Variants in INO80D observed in about 807,000 individuals in gnomAD.
INO80D encodes the protein INO80 complex subunit D.
Under a neutral mutation model 87.6 loss-of-function variants are expected in INO80D, and 21 were observed. The observed-to-expected ratio is 0.24, with a 90% CI of 0.17 to 0.35. The LOEUF is 0.35. Ranked by LOEUF, INO80D falls within the 10% of genes least tolerant of loss-of-function variation. The pLI, the probability that INO80D is intolerant of heterozygous loss-of-function variation, is 1.00. For synonymous variants in INO80D, 440 were observed against 491.0 expected, an observed-to-expected ratio of 0.90 and a Z score of 1.37; for missense variants, 982 against 1,280.7, an observed-to-expected ratio of 0.77 and a Z score of 3.56.
intron 9 of INO80D, among the ~76,000 whole-genome samples, chr2:206,008,192 C>A (rs866469583): frequency 3.3e-5 from 5 of 152,026 alleles, no homozygotes; most frequent in African/African-American, 4.8e-5. Context: ...CCATGCTGGC[C>A]AGGCTGGTCT....
At position 205,998,883 on chromosome 2, in the gene INO80D, A is replaced by G. The variant is rs1687855074; in HGVS notation, c.*5485T>C. On this transcript the variant is annotated 3_prime_UTR_variant, in exon 11 of 11. Coordinates refer to ENST00000403263, the MANE Select transcript of INO80D (RefSeq NM_017759.5). Reference sequence around the variant, plus strand: ...AAGGAATCCCTGAGACATACTCAATACTATACAGTGAAAAGAACTATCACT... The same window carrying G: ...AAGGAATCCCTGAGACATACTCAATGCTATACAGTGAAAAGAACTATCACT... 1 of 152,196 alleles carries G rather than the reference A, an allele frequency of 6.6e-6. No homozygotes were observed. The highest frequency in any genetic ancestry group is 2.4e-5 in the African/African-American group (1 of 41,412). 9.4% of individuals were successfully genotyped at this position (152,196 alleles called of 1,614,324 possible). A position where few individuals can be genotyped will look rare whatever the true frequency, so the allele number is the denominator to read the frequency against.
At chr2:206,043,091 CAATG>C (rs957790201) in intron 5 of INO80D, among the ~76,000 whole-genome samples, 3 of 152,194 alleles carry the variant, frequency 2.0e-5, no homozygotes, top group Non-Finnish European at 2.9e-5. Context: ...TTTAAAAACT[CAATG>C]AACTTATTGA....
At chr2:206,053,001 A>C (rs755911685) in intron 4 of INO80D, among the ~76,000 whole-genome samples, 14 of 152,024 alleles carry the variant, frequency 9.2e-5, no homozygotes, top group East Asian at 3.8e-4. Flanking sequence ...AATAACAATA[A>C]TACTACTACC....
intron 1 of INO80D, among the ~76,000 whole-genome samples, chr2:206,075,039 C>CAAAAAAAAAAAAAAAAAAAAAAAAAA (rs56081344): frequency 1.2e-4 from 14 of 117,702 alleles, no homozygotes; most frequent in East Asian, 2.4e-4. Context: ...AACTCCATCT[C>CAAAAAAAAAAAAAAAAAAAAAAAAAA]AAAAAAAAAA....
intron 8 of INO80D, among the ~76,000 whole-genome samples, chr2:206,011,236 T>TC (rs1160951192): frequency 6.6e-6 from 1 of 152,126 alleles, no homozygotes; most frequent in Non-Finnish European, 1.5e-5. Flanking sequence ...TTCCAGGCTT[T>TC]CCCTCCAGCA....
At chr2:206,082,163 G>A (rs1690303202) in intron 1 of INO80D, among the ~76,000 whole-genome samples, 1 of 152,138 alleles carries the variant, frequency 6.6e-6, no homozygotes, top group African/African-American at 2.4e-5. Flanking sequence ...TGGGATTACA[G>A]GCATACACCA....
chr2:206,065,859 G>A (rs1689801577), intron 1 of INO80D, among the ~76,000 whole-genome samples: 1 of 152,122 alleles, frequency 6.6e-6, no homozygotes, highest in African/African-American at 2.4e-5. Flanking sequence ...ACCCCACTTA[G>A]GATGGCTATT....
In INO80D at chr2:206,000,433, G is replaced by A. The variant is rs1218118476; in HGVS notation, c.*3935C>T. The stretch of plus-strand genomic sequence containing the variant: ...CGGCAAAGACGGCGGGCAAGCATCA[G>A]CGGACTGACCACACGGCATTTACTA... On this transcript the variant is annotated 3_prime_UTR_variant, in exon 11 of 11. Coordinates refer to ENST00000403263, the MANE Select transcript of INO80D (RefSeq NM_017759.5). 6.6e-6 allele frequency: 1 copy of A among 150,596 alleles called. No individual in the cohort carries two copies. Among genetic ancestry groups the A allele is most frequent in the Non-Finnish European group, 1.5e-5 (1 of 67,768 alleles). 9.3% of individuals were successfully genotyped at this position (150,596 alleles called of 1,614,324 possible). A position where few individuals can be genotyped will look rare whatever the true frequency, so the allele number is the denominator to read the frequency against.
At chr2:206,078,421 A>C (rs1228015279) in intron 1 of INO80D, among the ~76,000 whole-genome samples, 2 of 152,186 alleles carry the variant, frequency 1.3e-5, no homozygotes, top group Non-Finnish European at 2.9e-5. Context: ...ATCTCAAAAA[A>C]ATAAATAAAA....
rs1687950745 is a variant in INO80D, at chr2:206,003,871, T to G, written c.*497A>C. On this transcript the variant is annotated 3_prime_UTR_variant, in exon 11 of 11. Coordinates refer to ENST00000403263, the MANE Select transcript of INO80D (RefSeq NM_017759.5). ...ATGATCACAATTACGAATGGAATCC[T>G]GGCCTCACTGTGGTGTTTAGCAGTT... The G allele has an allele frequency of 6.0e-6, 1 of 165,676 alleles. No homozygotes were observed. Among genetic ancestry groups the G allele is most frequent in the Non-Finnish European group, 1.3e-5 (1 of 74,464 alleles). The allele number at this position is 165,676 out of a possible 1,614,324, so 10.3% of individuals were successfully genotyped here. A position where few individuals can be genotyped will look rare whatever the true frequency, so the allele number is the denominator to read the frequency against.
chr2:206,068,346 C>T (rs1463708447), intron 1 of INO80D, among the ~76,000 whole-genome samples: 2 of 152,284 alleles, frequency 1.3e-5, no homozygotes, highest in Non-Finnish European at 1.5e-5. Flanking sequence ...GAGATCCTCC[C>T]GCTTTGGCCT....
At chr2:206,049,832 T>C (rs1689300000) in intron 4 of INO80D, among the ~76,000 whole-genome samples, 1 of 152,244 alleles carries the variant, frequency 6.6e-6, no homozygotes, top group East Asian at 1.9e-4. Flanking sequence ...GTTTGCATTT[T>C]AAAAAATTTA....
chr2:206,083,731 G>A (rs1415255053), intron 1 of INO80D, among the ~76,000 whole-genome samples: 1 of 152,018 alleles, frequency 6.6e-6, no homozygotes, highest in African/African-American at 2.4e-5. Context: ...CCTGCAAGTG[G>A]TAGCTTTTCA....
intron 5 of INO80D, among the ~76,000 whole-genome samples, chr2:206,045,931 G>A (rs114481485): frequency 0.011 from 1,711 of 152,260 alleles, 36 homozygotes; most frequent in African/African-American, 0.039. Flanking sequence ...TCTGTAAAAT[G>A]AGGAAATTGG....
intron 4 of INO80D, among the ~76,000 whole-genome samples, chr2:206,054,197 T>TA (rs932133192): frequency 6.6e-6 from 1 of 151,092 alleles, no homozygotes; most frequent in Non-Finnish European, 1.5e-5. Flanking sequence ...TTTTTTTTTT[T>TA]ATACAATAGA....
rs1189105383 is a variant in INO80D, at chr2:206,046,592, T to C, written c.985A>G (p.Ser329Gly). 1.2e-6 allele frequency: 2 copies of C among 1,613,576 alleles called. No individual in the cohort carries two copies. Among genetic ancestry groups the C allele is most frequent in the Non-Finnish European group, 1.7e-6 (2 of 1,179,606 alleles). Residue 329 changes from serine (S) to glycine (G), a missense_variant, in exon 5 of 11, where the codon AGC becomes GGC. Transcript: ENST00000403263. ...PHLGLDWSEE[S>G]GEEPEDSEQA... ...TCTGAGTCCTCTGGTTCCTCTCCGC[T>C]CTCTTCAGACCAGTCCAAACCTGGG...
Position 206,070,889 on chromosome 2 carries a change from A to ATTT in INO80D, c.-123-7648_-123-7646dup, listed in dbSNP as rs71863031. Among the ~76,000 whole-genome samples, 12 of 128,998 alleles carry ATTT rather than the reference A, an allele frequency of 9.3e-5. 1 individual carries two copies. The highest frequency in any genetic ancestry group is 4.5e-4 in the East Asian group (2 of 4,450). 84.6% of individuals were successfully genotyped at this position (128,998 alleles called of 152,430 possible). A position where few individuals can be genotyped will look rare whatever the true frequency, so the allele number is the denominator to read the frequency against. On this transcript the variant is annotated intron_variant, in intron 1 of 10. Coordinates refer to ENST00000403263, the MANE Select transcript of INO80D (RefSeq NM_017759.5). ...GTCTCTTGATTTTATAGGGGACTTG[A>ATTT]TTTTTTTTTTTTTTTTTTTGCATGT... is the stretch of plus-strand genomic sequence containing the variant.
intron 4 of INO80D, among the ~76,000 whole-genome samples, chr2:206,050,472 A>G (rs1197102884): frequency 7.8e-5 from 11 of 140,400 alleles, no homozygotes; most frequent in Admixed American, 1.5e-4. Context: ...AGCCTGGGTG[A>G]CAGAGCAGGA....
intron 3 of INO80D, among the ~76,000 whole-genome samples, chr2:206,057,633 C>CCAGCTGGAAAGAGT (rs1689560085): frequency 6.6e-6 from 1 of 151,924 alleles, no homozygotes; most frequent in Non-Finnish European, 1.5e-5. Context: ...GAGACTCTTT[C>CCAGCTGGAAAGAGT]CAGCTGGAAA....
Sources: gnomAD v4.1 joint callset for allele counts (sites outside exome capture counted in the v4.1 genomes callset) on GRCh38, gnomAD v4.1.1 for gene constraint, MANE v1.5 for transcripts, NCBI Gene and HGNC (gene_info 2026-07-23, HGNC 2026-07-21) for gene names.